The following KIAA1549L variants were observed in gnomAD, a reference collection of about 807,000 sequenced individuals.
The protein encoded by KIAA1549L is UPF0606 protein KIAA1549L.
In KIAA1549L, 88 loss-of-function variants were observed where a neutral mutation model predicts 160.7. The observed-to-expected ratio is 0.55, with a 90% CI of 0.46 to 0.65. The LOEUF (loss-of-function observed/expected upper bound fraction) is 0.65. KIAA1549L is among the 30% of genes least tolerant of loss of function. KIAA1549L has a pLI of 0.00. For missense variants in KIAA1549L, 2,258 were observed against 2,437.5 expected (o/e 0.93, Z 1.55); for synonymous variants, 950 against 976.7 (o/e 0.97, Z 0.51).
At chr11:33,595,451 A>G (rs1019779465) in intron 12 of KIAA1549L, among the ~76,000 whole-genome samples, 7 of 151,722 alleles carry the variant, frequency 4.6e-5, no homozygotes, top group African/African-American at 9.7e-5. Flanking sequence ...CTGGTCTCAA[A>G]CTCCTGACCT....
chr11:33,623,587 A>G (rs994362453), intron 16 of KIAA1549L, among the ~76,000 whole-genome samples: 19 of 152,238 alleles, frequency 1.2e-4, no homozygotes, highest in African/African-American at 4.3e-4. Context: ...AAAGAGATTG[A>G]GGTGTTTGAG....
At position 33,543,532 on chromosome 11, in the gene KIAA1549L, G is replaced by GA; in HGVS notation, c.1970dup (p.Asp657GlufsTer24). The GA allele has an allele frequency of 1.2e-6, 2 of 1,614,024 alleles. No individual in the cohort carries two copies. Among genetic ancestry groups the GA allele is most frequent in the Non-Finnish European group, 1.7e-6 (2 of 1,179,902 alleles). ...GCCAGAGGCTTATGCAGCTGCTGTG[G>GA]ACCATTCTGGGTTGCCAGCTTCAGC... On this transcript the variant is annotated frameshift_variant, in exon 2 of 21. Transcript: ENST00000658780. LOFTEE classifies it high-confidence loss of function.
In KIAA1549L at chr11:33,587,218, C is replaced by T. The variant is rs150774799; in HGVS notation, c.4566+3717C>T. On this transcript the variant is annotated intron_variant, in intron 11 of 20. Coordinates refer to ENST00000658780, the MANE Select transcript of KIAA1549L (RefSeq NM_012194.3). ...TCTTAAAAGGTCTTGGCAGTGTATCCGCCATTGAAATTACTGGAGATTATT... is the reference window on the plus strand; with the variant it reads ...TCTTAAAAGGTCTTGGCAGTGTATCTGCCATTGAAATTACTGGAGATTATT... Among the ~76,000 whole-genome samples, 860 of 152,086 alleles carry T rather than the reference C, an allele frequency of 5.7e-3. 4 individuals are homozygous for T. The highest frequency in any genetic ancestry group is 0.02 in the African/African-American group (832 of 41,458).
intron 16 of KIAA1549L, among the ~76,000 whole-genome samples, chr11:33,622,782 A>AGGAAGCAGT (rs1403070092): frequency 6.6e-6 from 1 of 152,258 alleles, no homozygotes; most frequent in Non-Finnish European, 1.5e-5. Context: ...GGCAATACTC[A>AGGAAGCAGT]GGAAGCAGTT....
chr11:33,574,985 T>A, intron 10 of KIAA1549L, 112 bp downstream of exon 10: 1 of 890,344 alleles, frequency 1.1e-6, no homozygotes. Flanking sequence ...CATATTTGTA[T>A]TCTGGAAGGT....
chr11:33,445,816 A>G (rs1380052284), intron 1 of KIAA1549L, among the ~76,000 whole-genome samples: 1 of 152,164 alleles, frequency 6.6e-6, no homozygotes, highest in Non-Finnish European at 1.5e-5. Context: ...GACTCAATGA[A>G]TGTCAGTTTT....
intron 1 of KIAA1549L, among the ~76,000 whole-genome samples, chr11:33,448,301 C>T (rs1446466061): frequency 6.6e-6 from 1 of 152,072 alleles, no homozygotes; most frequent in Non-Finnish European, 1.5e-5. Flanking sequence ...TGTGCTGCAG[C>T]CATAATAATA....
Position 33,547,425 on chromosome 11 carries a change from A to G in KIAA1549L, c.3386-339A>G, listed in dbSNP as rs1209236627. Among the ~76,000 whole-genome samples, 3 of 152,164 alleles carry G rather than the reference A, an allele frequency of 2.0e-5. No homozygotes were observed. In the South Asian group the frequency reaches 6.2e-4, roughly 32 times the overall value. On this transcript the variant is annotated intron_variant, in intron 3 of 20. Coordinates refer to ENST00000658780, the MANE Select transcript of KIAA1549L (RefSeq NM_012194.3). ...CCGCAGCACCGAGCTCAGGGCCTGC[A>G]CCTAAGGAGGCTGTCCATGAATGTT...
intron 1 of KIAA1549L, among the ~76,000 whole-genome samples, chr11:33,518,936 G>A (rs1853418824): frequency 6.6e-6 from 1 of 152,172 alleles, no homozygotes; most frequent in African/African-American, 2.4e-5. Context: ...GCTCCATTGA[G>A]CATATCCTAT....
At chr11:33,576,561 T>C (rs562665927) in intron 10 of KIAA1549L, among the ~76,000 whole-genome samples, 2 of 152,210 alleles carry the variant, frequency 1.3e-5, no homozygotes, top group South Asian at 4.1e-4. Context: ...GAGGAATAAA[T>C]CATAGAGGAC....
intron 6 of KIAA1549L, among the ~76,000 whole-genome samples, chr11:33,557,554 G>A (rs1854690757): frequency 6.6e-6 from 1 of 152,074 alleles, no homozygotes; most frequent in Non-Finnish European, 1.5e-5. Flanking sequence ...TACTGATTCA[G>A]TTTATTGTTA....
intron 1 of KIAA1549L, among the ~76,000 whole-genome samples, chr11:33,429,484 A>G (rs1433003300): frequency 6.6e-6 from 1 of 152,070 alleles, no homozygotes; most frequent in Admixed American, 6.6e-5. Context: ...TGACCTCCCA[A>G]TCTGTCAAAT....
chr11:33,566,304 G>A (rs1855047989), intron 8 of KIAA1549L, among the ~76,000 whole-genome samples: 1 of 152,098 alleles, frequency 6.6e-6, no homozygotes, highest in African/African-American at 2.4e-5. Flanking sequence ...GGACAACTTA[G>A]AAGTAATACT....
At chr11:33,443,729 G>GA (rs397794081) in intron 1 of KIAA1549L, among the ~76,000 whole-genome samples, 42,072 of 147,460 alleles carry the variant, frequency 0.29, 6,124 homozygotes, top group African/African-American at 0.34. Flanking sequence ...TTATGGAATT[G>GA]AAAAAAAAAA....
At chr11:33,455,660 T>G (rs562541176) in intron 1 of KIAA1549L, among the ~76,000 whole-genome samples, 55 of 152,342 alleles carry the variant, frequency 3.6e-4, no homozygotes, top group African/African-American at 1.3e-3. Context: ...CACACAGTTC[T>G]GAGGCAGCCA....
chr11:33,537,018 A>G (rs1249431475), intron 1 of KIAA1549L, among the ~76,000 whole-genome samples: 1 of 152,218 alleles, frequency 6.6e-6, no homozygotes, highest in Non-Finnish European at 1.5e-5. Flanking sequence ...CTACTGGAGC[A>G]ATGGTCCGGC....
At chr11:33,548,656 A>G (rs1378476869) in intron 4 of KIAA1549L, among the ~76,000 whole-genome samples, 1 of 152,192 alleles carries the variant, frequency 6.6e-6, no homozygotes, top group Non-Finnish European at 1.5e-5. Flanking sequence ...TTTTCTTTTA[A>G]TGCCAAGTAC....
Position 33,412,902 on chromosome 11 carries a change from G to A in KIAA1549L, c.238+36013G>A, listed in dbSNP as rs1006808976. Among the ~76,000 whole-genome samples, 5 of 152,320 alleles carry A rather than the reference G, an allele frequency of 3.3e-5. No individual in the cohort carries two copies. The South Asian group carries it at 1.0e-3, about 32-fold the overall frequency. On this transcript the variant is annotated intron_variant, in intron 1 of 20. Coordinates refer to ENST00000658780, the MANE Select transcript of KIAA1549L (RefSeq NM_012194.3). ...TAGAGAGGTTAAATAACTTGCCTGA[G>A]CTAGTAAGTGGCAGTGACAGGGTTT...
intron 17 of KIAA1549L, among the ~76,000 whole-genome samples, chr11:33,650,006 C>T (rs75895446): frequency 0.024 from 3,584 of 152,270 alleles, 152 homozygotes; most frequent in African/African-American, 0.082. Flanking sequence ...GGGCTCCTTC[C>T]ACCTCTGGTT....
Sources: allele counts gnomAD v4.1 joint callset (sites outside exome capture counted in the v4.1 genomes callset), GRCh38; gene constraint gnomAD v4.1.1; transcripts MANE v1.5; gene names NCBI Gene and HGNC (gene_info 2026-07-23, HGNC 2026-07-21).